Variants in IRS1 observed in about 807,000 individuals in gnomAD.
IRS1 encodes the protein insulin receptor substrate 1.
A neutral mutation model predicts 65.6 loss-of-function variants in IRS1; 34 were observed. The ratio of observed to expected loss-of-function variants is 0.52; its 90% CI spans 0.39 to 0.69. The LOEUF (loss-of-function observed/expected upper bound fraction) is 0.69. Ranked by LOEUF, IRS1 falls within the 30% of genes least tolerant of loss-of-function variation. The probability of loss-of-function intolerance (pLI) is 0.00; values close to 1 mark genes in which losing one functional copy is unlikely to be tolerated. For missense variants in IRS1, 1,641 were observed against 1,720.2 expected (o/e 0.95, Z 0.81); for synonymous variants, 699 against 683.5 (o/e 1.02, Z -0.35).
chr2:226,748,756 G>C (rs543153472), intron 1 of IRS1, among the ~76,000 whole-genome samples: 5 of 152,148 alleles, frequency 3.3e-5, no homozygotes, highest in Admixed American at 1.3e-4. Flanking sequence ...TTTTAGGTCT[G>C]CTTTCCCAAA....
intron 1 of IRS1, among the ~76,000 whole-genome samples, chr2:226,769,663 TA>T (rs1939126389): frequency 6.6e-6 from 1 of 152,230 alleles, no homozygotes; most frequent in Admixed American, 6.5e-5. Flanking sequence ...TTAACAAAGC[TA>T]TTGTTTTAGT....
At position 226,797,055 on chromosome 2, in the gene IRS1, C is replaced by T. The variant is rs377739830; in HGVS notation, c.1684G>A (p.Gly562Ser). The T allele has an allele frequency of 1.9e-5, 31 of 1,611,638 alleles. No individual in the cohort carries two copies. The highest frequency in any genetic ancestry group is 2.0e-5 in the Non-Finnish European group (24 of 1,178,726). The change falls in exon 1 of 2, where the codon GGT becomes AGT. Residue 562 changes from glycine (G) to serine (S), a missense_variant. By Grantham distance (56) the Gly-to-Ser change is moderately conservative. Coordinates refer to ENST00000305123, the MANE Select transcript of IRS1 (RefSeq NM_005544.3). The surrounding 1 kb of genome is among the most constrained non-coding windows in gnomAD (Gnocchi z 8.1). The stretch of plus-strand genomic sequence containing the variant: ...CCCGGCAGTCGGCCTCCACTGCCAC[C>T]TCCTGGTGGGTAGGCAGGCATCATC... The part of the protein sequence containing the change: ...TEMMPAYPPG[G>S]GSGGRLPGHR...
At chr2:226,756,999 AAAT>A (rs1938817721) in intron 1 of IRS1, among the ~76,000 whole-genome samples, 3 of 147,966 alleles carry the variant, frequency 2.0e-5, no homozygotes, top group Non-Finnish European at 3.0e-5. Flanking sequence ...ATAAATAAAT[AAAT>A]AAAATACAAT....
At chr2:226,780,803 A>AT (rs1433517287) in intron 1 of IRS1, among the ~76,000 whole-genome samples, 1 of 152,188 alleles carries the variant, frequency 6.6e-6, no homozygotes, top group Non-Finnish European at 1.5e-5. Context: ...TTAAATCTGA[A>AT]TTTTTTAAAT....
At position 226,773,484 on chromosome 2, in the gene IRS1, T is replaced by C. The variant is rs1254064218; in HGVS notation, c.*21+21505A>G. ...ACTGTAATCTGTATGATCTAGCATG[T>C]CAGGAATTCTACTGCAAGAATTATA... is the stretch of plus-strand genomic sequence containing the variant. On this transcript the variant is annotated intron_variant, in intron 1 of 1. Coordinates refer to ENST00000305123, the MANE Select transcript of IRS1 (RefSeq NM_005544.3). 3.3e-5 allele frequency among the ~76,000 whole-genome samples: 5 copies of C among 152,050 alleles called. No homozygotes were observed. The East Asian group carries it at 9.6e-4, about 29-fold the overall frequency.
chr2:226,739,140 G>C lies in IRS1; in HGVS notation c.*22-2890C>G, dbSNP rs192605157. Among the ~76,000 whole-genome samples, 23 of 152,298 alleles carry C rather than the reference G, an allele frequency of 1.5e-4. No homozygotes were observed. In the East Asian group the frequency reaches 3.5e-3, roughly 23 times the overall value. On this transcript the variant is annotated intron_variant, in intron 1 of 1. Coordinates refer to ENST00000305123, the MANE Select transcript of IRS1 (RefSeq NM_005544.3). ...TTCAAAGAGCAGGGAATAAAAGGAC[G>C]TATCAAGTGCATCGACACCTTCCTT...
At chr2:226,740,387 C>G (rs1448924628) in intron 1 of IRS1, among the ~76,000 whole-genome samples, 1 of 152,172 alleles carries the variant, frequency 6.6e-6, no homozygotes, top group Non-Finnish European at 1.5e-5. Flanking sequence ...TTGAGCAATG[C>G]TACTTGACAC....
rs1402157115 is a variant in IRS1, at chr2:226,798,001, G to A, written c.738C>T (p.Ala246=). 1 of 1,614,022 alleles carries A rather than the reference G, an allele frequency of 6.2e-7. No homozygotes were observed. Among genetic ancestry groups the A allele is most frequent in the East Asian group, 2.2e-5 (1 of 44,862 alleles). Residue 246 remains alanine (A), a synonymous_variant, in exon 1 of 2, where the codon GCC becomes GCT. Coordinates refer to ENST00000305123, the MANE Select transcript of IRS1 (RefSeq NM_005544.3). The surrounding 1 kb of genome is among the most constrained non-coding windows in gnomAD (Gnocchi z 9.4). Reference sequence around the variant, plus strand: ...CCAGGATGGTCTCGTGCATGTTCTGGGCCACCACAGAGTCATCCACCTGCA... The same window carrying A: ...CCAGGATGGTCTCGTGCATGTTCTGAGCCACCACAGAGTCATCCACCTGCA... ...FWMQVDDSVV[A]QNMHETILEA... is the part of the protein sequence containing the mutation.
chr2:226,766,120 C>CA (rs1559151852), intron 1 of IRS1, among the ~76,000 whole-genome samples: 595 of 31,652 alleles, frequency 0.019, 20 homozygotes, highest in African/African-American at 0.028. Flanking sequence ...CTCTCTTAAT[C>CA]TTATATATAT....
At chr2:226,740,652 T>C (rs531898553) in intron 1 of IRS1, among the ~76,000 whole-genome samples, 4 of 152,356 alleles carry the variant, frequency 2.6e-5, no homozygotes, top group Admixed American at 2.6e-4. Flanking sequence ...TGTATTTATA[T>C]GTTTTGAAAC....
chr2:226,790,290 A>G (rs1010301136), intron 1 of IRS1, among the ~76,000 whole-genome samples: 1 of 152,010 alleles, frequency 6.6e-6, no homozygotes, highest in Non-Finnish European at 1.5e-5. Flanking sequence ...TTTCCATTGC[A>G]TCATTTAAGA....
At position 226,797,337 on chromosome 2, in the gene IRS1, T is replaced by C. The variant is rs1314200202; in HGVS notation, c.1402A>G (p.Met468Val). The change falls in exon 1 of 2, where the codon ATG (methionine) becomes GTG (valine). Residue 468 changes from methionine (M) to valine (V), a missense_variant. Physicochemically the swap from Met to Val is conservative, Grantham distance 21. This residue lies in a region of IRS1 where 1,324 missense variants were observed against 1,361.0 expected (regional missense o/e 0.97). Coordinates refer to ENST00000305123, the MANE Select transcript of IRS1 (RefSeq NM_005544.3). The surrounding 1 kb of genome is among the most constrained non-coding windows in gnomAD (Gnocchi z 8.1). ...GEEELSNYIC[M>V]GGKGPSTLTA... ...AGGGTGGAGGGCCCCTTGCCACCCA[T>C]GCAGATATAGTTGCTTAGCTCCTCC... 16 of 1,613,214 alleles carry C rather than the reference T, an allele frequency of 9.9e-6. No individual in the cohort carries two copies. Among genetic ancestry groups the C allele is most frequent in the Admixed American group, 1.7e-5 (1 of 59,988 alleles).
chr2:226,744,235 A>C (rs901238678), intron 1 of IRS1, among the ~76,000 whole-genome samples: 2 of 152,210 alleles, frequency 1.3e-5, no homozygotes, highest in Non-Finnish European at 2.9e-5. Context: ...AGTTTTAGCT[A>C]GAGTCCCCGA....
Position 226,795,026 on chromosome 2 carries a change from G to A in IRS1, c.3713C>T (p.Pro1238Leu), listed in dbSNP as rs1209128042. 1.2e-6 allele frequency: 2 copies of A among 1,613,228 alleles called. No homozygotes were observed. The highest frequency in any genetic ancestry group is 2.2e-5 in the South Asian group (2 of 91,064). The change falls in exon 1 of 2, where the codon CCA (proline) becomes CTA (leucine). Residue 1238 changes from proline to leucine, a missense_variant. Transcript: ENST00000305123. ...AYASISFQKQPEDRQ is the reference protein window; with the variant it reads ...AYASISFQKQLEDRQ ...CCAGTTGAGCTACTGACGGTCCTCTGGCTGCTTCTGGAAACTGATGCTGGC... is the reference window on the plus strand; with the variant it reads ...CCAGTTGAGCTACTGACGGTCCTCTAGCTGCTTCTGGAAACTGATGCTGGC...
At position 226,797,008 on chromosome 2, in the gene IRS1, C is replaced by T. The variant is rs772944629; in HGVS notation, c.1731G>A (p.Val577=). Reference sequence around the variant, plus strand: ...CCTCCTCTGGGTAGGAGCGGGTGGGCACGAAGGCGGAGTGCCTGTGTCCCG... The same window carrying T: ...CCTCCTCTGGGTAGGAGCGGGTGGGTACGAAGGCGGAGTGCCTGTGTCCCG... ...RLPGHRHSAF[V]PTRSYPEEGL... Residue 577 remains valine (V), a synonymous_variant, in exon 1 of 2, where the codon GTG becomes GTA. Coordinates refer to ENST00000305123, the MANE Select transcript of IRS1 (RefSeq NM_005544.3). This position sits in a 1 kb window ranked among gnomAD's most constrained non-coding sequence, Gnocchi z 8.1. 6.2e-7 allele frequency: 1 copy of T among 1,600,940 alleles called. No individual in the cohort carries two copies. The highest frequency in any genetic ancestry group is 2.2e-5 in the East Asian group (1 of 44,642).
intron 1 of IRS1, among the ~76,000 whole-genome samples, chr2:226,739,518 A>G (rs1175758374): frequency 6.6e-6 from 1 of 152,238 alleles, no homozygotes; most frequent in Non-Finnish European, 1.5e-5. Context: ...GACAGCCAAA[A>G]AGCTTTGAGA....
At chr2:226,767,657 T>C (rs1939081927) in intron 1 of IRS1, among the ~76,000 whole-genome samples, 1 of 152,298 alleles carries the variant, frequency 6.6e-6, no homozygotes, top group South Asian at 2.1e-4. Flanking sequence ...GTTTGACCAA[T>C]GGGTATCTCA....
At chr2:226,744,567 G>A (rs192003749) in intron 1 of IRS1, among the ~76,000 whole-genome samples, 2 of 152,312 alleles carry the variant, frequency 1.3e-5, no homozygotes, top group East Asian at 3.9e-4. Context: ...GGTGAATGGT[G>A]GATGAGCATA....
intron 1 of IRS1, among the ~76,000 whole-genome samples, chr2:226,777,689 GT>G (rs1310603799): frequency 1.3e-5 from 2 of 152,260 alleles, no homozygotes; most frequent in East Asian, 3.9e-4. Context: ...TGATCTGATA[GT>G]TTTAAAAACG....
Sources: allele counts gnomAD v4.1 joint callset (sites outside exome capture counted in the v4.1 genomes callset), GRCh38; gene constraint gnomAD v4.1.1; regional missense constraint gnomAD v4.1.1; non-coding constraint Gnocchi (gnomAD v3.1); transcripts MANE v1.5; gene names NCBI Gene and HGNC (gene_info 2026-07-23, HGNC 2026-07-21).